ARHGAP28: variants seen among roughly 807,000 people sequenced by gnomAD.
ARHGAP28 encodes rho GTPase-activating protein 28.
Under a neutral mutation model 90.7 loss-of-function variants are expected in ARHGAP28, and 56 were observed. The observed-to-expected ratio is 0.62, with a 90% CI of 0.50 to 0.77. The LOEUF (loss-of-function observed/expected upper bound fraction) is 0.77, where lower values mean the gene tolerates loss of function less well. Ranked by LOEUF, ARHGAP28 falls within the 30% of genes least tolerant of loss-of-function variation. The pLI, the probability that ARHGAP28 is intolerant of heterozygous loss-of-function variation, is 0.00. For missense variants in ARHGAP28, 869 were observed against 900.9 expected (o/e 0.96, Z 0.45); for synonymous variants, 308 against 323.3 (o/e 0.95, Z 0.51).
At chr18:6,808,498 C>A (rs973807825) in intron 1 of ARHGAP28, among the ~76,000 whole-genome samples, 1 of 151,960 alleles carries the variant, frequency 6.6e-6, no homozygotes, top group African/African-American at 2.4e-5. Flanking sequence ...TTGTCAATTT[C>A]AAGTGGTCAA....
chr18:6,744,286 A>G (rs1202825141), intron 1 of ARHGAP28, among the ~76,000 whole-genome samples: 1 of 152,136 alleles, frequency 6.6e-6, no homozygotes, highest in Non-Finnish European at 1.5e-5. Context: ...GATACCCTGA[A>G]ATATGAGATG....
intron 1 of ARHGAP28, among the ~76,000 whole-genome samples, chr18:6,821,378 T>C (rs1208129246): frequency 6.6e-6 from 1 of 152,198 alleles, no homozygotes; most frequent in Non-Finnish European, 1.5e-5. Context: ...TTGCATTCAA[T>C]TTGTCATGTA....
intron 1 of ARHGAP28, among the ~76,000 whole-genome samples, chr18:6,747,594 A>G (rs925921051): frequency 6.6e-6 from 1 of 152,196 alleles, no homozygotes; most frequent in Non-Finnish European, 1.5e-5. Flanking sequence ...AAAATATTGA[A>G]TTAAATATTA....
At chr18:6,874,722 T>C (rs1184468274) in intron 9 of ARHGAP28, 1 of 152,092 alleles carries the variant, frequency 6.6e-6, no homozygotes, top group Admixed American at 6.6e-5. Context: ...TGGCTGGAGA[T>C]AGGAGCCAGG....
chr18:6,900,165 A>G (rs752374243), intron 16 of ARHGAP28, among the ~76,000 whole-genome samples: 2 of 152,200 alleles, frequency 1.3e-5, no homozygotes, highest in African/African-American at 4.8e-5. Flanking sequence ...TTGCCCACCC[A>G]GACCTTATGC....
chr18:6,850,557 C>T (rs567073122), intron 3 of ARHGAP28, among the ~76,000 whole-genome samples: 5 of 152,226 alleles, frequency 3.3e-5, no homozygotes, highest in Admixed American at 6.5e-5. Context: ...TTAATACCTA[C>T]AGGATGTCTG....
At chr18:6,844,201 A>T (rs1241162476) in intron 3 of ARHGAP28, among the ~76,000 whole-genome samples, 1 of 152,226 alleles carries the variant, frequency 6.6e-6, no homozygotes. Context: ...TAACATATAT[A>T]TACATTTGGC....
At chr18:6,868,500 C>T (rs1300056335) in intron 6 of ARHGAP28, among the ~76,000 whole-genome samples, 1 of 152,134 alleles carries the variant, frequency 6.6e-6, no homozygotes, top group African/African-American at 2.4e-5. Context: ...CCTCACATGG[C>T]TAGTGTCTTT....
intron 1 of ARHGAP28, among the ~76,000 whole-genome samples, chr18:6,735,001 A>G (rs545806471): frequency 1.3e-5 from 2 of 152,266 alleles, no homozygotes; most frequent in Admixed American, 6.5e-5. Flanking sequence ...ATATGGCTAA[A>G]TATTTGGCCA....
Position 6,887,209 on chromosome 18 carries a change from G to A in ARHGAP28, c.1506G>A (p.Ala502=), listed in dbSNP as rs370652388. ...AAGCCTTACACCTCATGGTCATGGC[G>A]CTGCCTGATGCCAACAGAGATGCAG... The part of the protein sequence containing the change: ...QFQALHLMVM[A]LPDANRDAAQ... Residue 502 remains alanine (A), a synonymous_variant, in exon 12 of 18, where the codon GCG becomes GCA. Coordinates refer to ENST00000383472, the MANE Select transcript of ARHGAP28 (RefSeq NM_001366230.1). 3.1e-6 allele frequency: 5 copies of A among 1,614,094 alleles called. No individual in the cohort carries two copies. Among genetic ancestry groups the A allele is most frequent in the South Asian group, 1.1e-5 (1 of 91,072 alleles).
At chr18:6,871,437 G>A (rs1461243618) in intron 7 of ARHGAP28, among the ~76,000 whole-genome samples, 1 of 152,166 alleles carries the variant, frequency 6.6e-6, no homozygotes, top group African/African-American at 2.4e-5. Flanking sequence ...AGTCATGAGA[G>A]GAAGTGAGAG....
intron 1 of ARHGAP28, among the ~76,000 whole-genome samples, chr18:6,823,601 A>AT (rs141094607): frequency 0.09 from 11,743 of 129,996 alleles, 638 homozygotes; most frequent in Non-Finnish European, 0.13. Context: ...GTGGCTCTTA[A>AT]TTTTTTTTTT....
chr18:6,840,262 C>T (rs1211723200), intron 3 of ARHGAP28, among the ~76,000 whole-genome samples: 5 of 152,174 alleles, frequency 3.3e-5, no homozygotes, highest in African/African-American at 4.8e-5. Flanking sequence ...ATCTTTGCAT[C>T]CATGCTGCCT....
chr18:6,783,629 A>G (rs767162706), intron 1 of ARHGAP28, among the ~76,000 whole-genome samples: 4 of 152,142 alleles, frequency 2.6e-5, no homozygotes, highest in Non-Finnish European at 5.9e-5. Context: ...CACAGGACAT[A>G]ACACATTGCT....
chr18:6,824,474 T>C (rs1358692909), intron 1 of ARHGAP28, among the ~76,000 whole-genome samples: 2 of 151,884 alleles, frequency 1.3e-5, no homozygotes, highest in African/African-American at 4.8e-5. Flanking sequence ...GAGGTGGAGG[T>C]TGCAGTGAGC....
intron 4 of ARHGAP28, among the ~76,000 whole-genome samples, chr18:6,851,558 C>T (rs11660743): frequency 0.54 from 81,465 of 151,984 alleles, 22,751 homozygotes; most frequent in Non-Finnish European, 0.62. Flanking sequence ...CCCAACCGTT[C>T]TACTCATAAG....
At chr18:6,787,477 C>T (rs1346235047) in intron 1 of ARHGAP28, among the ~76,000 whole-genome samples, 1 of 152,020 alleles carries the variant, frequency 6.6e-6, no homozygotes, top group Non-Finnish European at 1.5e-5. Context: ...CTGGGGAAAA[C>T]TTCTTTCATG....
chr18:6,746,769 A>C (rs546421788), intron 1 of ARHGAP28, among the ~76,000 whole-genome samples: 2 of 152,296 alleles, frequency 1.3e-5, no homozygotes, highest in African/African-American at 4.8e-5. Flanking sequence ...ATTTGGAGAA[A>C]CTGTCTTAGC....
chr18:6,887,212 G>T lies in ARHGAP28; in HGVS notation c.1509G>T (p.Leu503=). The change falls in exon 12 of 18, where the codon CTG becomes CTT. Residue 503 remains leucine (L), a synonymous_variant. Coordinates refer to ENST00000383472, the MANE Select transcript of ARHGAP28 (RefSeq NM_001366230.1). ...CCTTACACCTCATGGTCATGGCGCT[G>T]CCTGATGCCAACAGAGATGCAGCTC... The part of the protein sequence containing the change: ...FQALHLMVMA[L]PDANRDAAQA... The T allele has an allele frequency of 6.2e-6, 10 of 1,614,146 alleles. No individual in the cohort carries two copies. Among genetic ancestry groups the T allele is most frequent in the Non-Finnish European group, 8.5e-6 (10 of 1,180,026 alleles).
Sources: gnomAD v4.1 joint callset for allele counts (sites outside exome capture counted in the v4.1 genomes callset) on GRCh38, gnomAD v4.1.1 for gene constraint, MANE v1.5 for transcripts, NCBI Gene and HGNC (gene_info 2026-07-23, HGNC 2026-07-21) for gene names.